Variants in PKIG observed in about 807,000 individuals in gnomAD.
The protein encoded by PKIG is cAMP-dependent protein kinase inhibitor gamma, also known as protein kinase (cAMP-dependent, catalytic) inhibitor gamma.
In PKIG, 1 loss-of-function variant was observed where a neutral mutation model predicts 6.8. The observed-to-expected ratio is 0.15, with a 90% CI of 0.05 to 0.69. The LOEUF is 0.69. Ranked by LOEUF, PKIG falls within the 30% of genes least tolerant of loss-of-function variation. The probability of loss-of-function intolerance (pLI) is 0.82; values close to 1 mark genes in which losing one functional copy is unlikely to be tolerated. For synonymous variants in PKIG, 39 were observed against 43.0 expected (o/e 0.91, Z 0.36); for missense variants, 77 against 104.0 (o/e 0.74, Z 1.13).
At chr20:44,610,224 C>T (rs896474184) in intron 2 of PKIG, among the ~76,000 whole-genome samples, 1 of 152,146 alleles carries the variant, frequency 6.6e-6, no homozygotes, top group African/African-American at 2.4e-5. Flanking sequence ...CTCTATTTTA[C>T]ACAGGGGAAA....
rs1266749589 is a variant in PKIG, at chr20:44,618,615, A to ATGT, written c.*253_*255dup. 7.2e-6 allele frequency: 3 copies of ATGT among 417,260 alleles called. No homozygotes were observed. The highest frequency in any genetic ancestry group is 1.3e-5 in the Non-Finnish European group (3 of 222,770). 25.8% of individuals were successfully genotyped at this position (417,260 alleles called of 1,614,324 possible). A position where few individuals can be genotyped will look rare whatever the true frequency, so the allele number is the denominator to read the frequency against. On this transcript the variant is annotated 3_prime_UTR_variant, in exon 4 of 4. Transcript: ENST00000372886. ...ACTTTCAAGACACTGTAACCACAAG[A>ATGT]TGTTATTTATTGAGCTGGCGCCGGG...
intron 1 of PKIG, among the ~76,000 whole-genome samples, chr20:44,532,918 G>C (rs1368230583): frequency 6.6e-6 from 1 of 152,154 alleles, no homozygotes; most frequent in Non-Finnish European, 1.5e-5. Context: ...GATTATGAGA[G>C]TTGGAGGGGG....
At chr20:44,613,693 CCCT>C (rs2065239242) in intron 2 of PKIG, among the ~76,000 whole-genome samples, 1 of 152,148 alleles carries the variant, frequency 6.6e-6, no homozygotes, top group South Asian at 2.1e-4. Flanking sequence ...CCCACTGCCC[CCCT>C]CCTCCACCCA....
intron 1 of PKIG, among the ~76,000 whole-genome samples, chr20:44,564,043 C>T (rs1390571072): frequency 6.6e-6 from 1 of 152,186 alleles, no homozygotes; most frequent in Non-Finnish European, 1.5e-5. Flanking sequence ...GAAATACCTT[C>T]TCCATTGTGA....
chr20:44,600,894 A>G (rs1162188881), intron 2 of PKIG, among the ~76,000 whole-genome samples: 3 of 152,130 alleles, frequency 2.0e-5, no homozygotes, highest in Admixed American at 1.3e-4. Context: ...TGACACGCTC[A>G]ATAGGCTGAG....
intron 2 of PKIG, among the ~76,000 whole-genome samples, chr20:44,603,434 G>A (rs1317225120): frequency 6.6e-6 from 1 of 152,146 alleles, no homozygotes; most frequent in Non-Finnish European, 1.5e-5. Flanking sequence ...GAGGGGAGTT[G>A]TGCACGGCCC....
intron 1 of PKIG, among the ~76,000 whole-genome samples, chr20:44,535,188 G>T (rs921502452): frequency 5.3e-5 from 8 of 152,138 alleles, no homozygotes; most frequent in Non-Finnish European, 1.0e-4. Flanking sequence ...CACAGAGTAA[G>T]AGTTGGCTGG....
chr20:44,606,692 C>G (rs1288415826), intron 2 of PKIG, among the ~76,000 whole-genome samples: 1 of 152,158 alleles, frequency 6.6e-6, no homozygotes, highest in African/African-American at 2.4e-5. Flanking sequence ...ACCTGTAAGC[C>G]CAGCTACTTG....
intron 1 of PKIG, among the ~76,000 whole-genome samples, chr20:44,560,791 A>G (rs2064759920): frequency 1.3e-5 from 2 of 152,376 alleles, no homozygotes; most frequent in South Asian, 4.1e-4. Flanking sequence ...GGCAGCTGGC[A>G]GAAGCAAATG....
At chr20:44,568,604 C>G (rs2064829515) in intron 1 of PKIG, among the ~76,000 whole-genome samples, 1 of 152,084 alleles carries the variant, frequency 6.6e-6, no homozygotes, top group Non-Finnish European at 1.5e-5. Context: ...GCACCTGCCA[C>G]CGCGCCTGGC....
chr20:44,581,025 C>A (rs2064943385), upstream of PKIG, among the ~76,000 whole-genome samples: 1 of 152,158 alleles, frequency 6.6e-6, no homozygotes. Flanking sequence ...TGAGTGTTTC[C>A]TTTCCCAGGC....
chr20:44,546,753 A>G (rs1600841171), intron 1 of PKIG, among the ~76,000 whole-genome samples: 1 of 144,852 alleles, frequency 6.9e-6, no homozygotes, highest in East Asian at 2.1e-4. Context: ...GGGTTTCACC[A>G]TGTTGACCAG....
Position 44,534,314 on chromosome 20 carries a change from C to T in PKIG, c.-241+2336C>T, listed in dbSNP as rs576935022. On this transcript the variant is annotated intron_variant, in intron 1 of 4. Transcript: ENST00000372887. ...TCTGATGCCTGTTACTTTTTGGAGA[C>T]GTGGGAAGCCAGGTTATTCCTGAAA... Among the ~76,000 whole-genome samples the T allele has an allele frequency of 6.8e-4, 103 of 151,942 alleles. 1 individual carries two copies. Among genetic ancestry groups the T allele is most frequent in the Non-Finnish European group, 1.1e-3 (72 of 68,024 alleles).
chr20:44,580,851 T>C (rs114074565), upstream of PKIG, among the ~76,000 whole-genome samples: 137 of 152,306 alleles, frequency 9.0e-4, no homozygotes, highest in African/African-American at 3.2e-3. Context: ...GAGAGCCGCT[T>C]TCCCAGTAAA....
chr20:44,605,057 A>G lies in PKIG; in HGVS notation c.-23-9477A>G, dbSNP rs562278217. On this transcript the variant is annotated intron_variant, in intron 2 of 3. Coordinates refer to ENST00000372886, the MANE Select transcript of PKIG (RefSeq NM_001281445.2). ...AGATTTGAGCTATGAGAAGGAAACC[A>G]TCCTACAACATGATACTAGTATATG... Among the ~76,000 whole-genome samples the G allele has an allele frequency of 3.3e-5, 5 of 152,312 alleles. No homozygotes were observed. The South Asian group carries it at 1.0e-3, about 32-fold the overall frequency.
rs577963813 is a variant in PKIG, at chr20:44,549,742, T to G, written c.-241+17764T>G. ...TGGGAGGCTGAGGTGCGAAGATGGC[T>G]TGAGCCCGGGAGGTAGAAGCTGCAG... is the stretch of plus-strand genomic sequence containing the variant. On this transcript the variant is annotated intron_variant, in intron 1 of 4. Transcript: ENST00000372887. Among the ~76,000 whole-genome samples, 4 of 152,244 alleles carry G rather than the reference T, an allele frequency of 2.6e-5. No individual in the cohort carries two copies. In the South Asian group the frequency reaches 8.3e-4, roughly 32 times the overall value.
chr20:44,532,625 T>C (rs1290745027), intron 1 of PKIG, among the ~76,000 whole-genome samples: 2 of 152,200 alleles, frequency 1.3e-5, no homozygotes, highest in East Asian at 3.8e-4. Context: ...ATTCCGGTTA[T>C]GATTTTGGAC....
chr20:44,601,972 G>A (rs958817402), intron 2 of PKIG, among the ~76,000 whole-genome samples: 1 of 152,190 alleles, frequency 6.6e-6, no homozygotes, highest in South Asian at 2.1e-4. Context: ...GTGGCTTCCT[G>A]TGGGGAAATG....
At position 44,607,345 on chromosome 20, in the gene PKIG, ATG is replaced by A. The variant is rs1169280988; in HGVS notation, c.-23-7175_-23-7174del. Among the ~76,000 whole-genome samples, 844 of 136,360 alleles carry A rather than the reference ATG, an allele frequency of 6.2e-3. 14 individuals are homozygous for A. The highest frequency in any genetic ancestry group is 0.02 in the African/African-American group (730 of 36,092). 89.5% of individuals were successfully genotyped at this position (136,360 alleles called of 152,430 possible). On this transcript the variant is annotated intron_variant, in intron 2 of 3. Coordinates refer to ENST00000372886, the MANE Select transcript of PKIG (RefSeq NM_001281445.2). ...TGTGTGTGTGTGTTTGTGTGTGTAT[ATG>A]TGTGTGTGTGTGTATATATATATAT...
Sources: allele counts gnomAD v4.1 joint callset (sites outside exome capture counted in the v4.1 genomes callset), GRCh38; gene constraint gnomAD v4.1.1; transcripts MANE v1.5; gene names NCBI Gene and HGNC (gene_info 2026-07-23, HGNC 2026-07-21).